Variants in MBD3L1 observed in about 807,000 individuals in gnomAD.
MBD3L1 encodes methyl-CpG binding domain protein 3 like 1.
For missense variants in MBD3L1, 203 were observed against 230.1 expected (o/e 0.88, Z 0.76); for synonymous variants, 84 against 85.1 (o/e 0.99, Z 0.07).
rs542318207 is a variant in MBD3L1 at position 8,838,252 on chromosome 19, CAAAAAAAAAA to C, written c.-106-2641_-106-2632del. The stretch of plus-strand genomic sequence containing the variant: ...TGGACGACAGAGCAAGACTCCATCT[CAAAAAAAAAA>C]AAAAAAAAAAAAAAAAAAAAAGATC... On this transcript the variant is annotated intron_variant, in intron 1 of 2. Coordinates refer to ENST00000595891, the MANE Select transcript of MBD3L1 (RefSeq NM_001393532.1). 6.0e-3 allele frequency among the ~76,000 whole-genome samples: 71 copies of C among 11,826 alleles called. 1 individual carries two copies. Among genetic ancestry groups the C allele is most frequent in the African/African-American group, 0.015 (59 of 4,038 alleles). 7.8% of individuals were successfully genotyped at this position (11,826 alleles called of 152,430 possible). A position where few individuals can be genotyped will look rare whatever the true frequency, so the allele number is the denominator to read the frequency against.
At position 8,843,152 on chromosome 19, in the gene MBD3L1, A is replaced by G. The variant is rs1599314296; in HGVS notation, c.474A>G (p.Glu158=). The G allele has an allele frequency of 6.2e-7, 1 of 1,613,858 alleles. No homozygotes were observed. Among genetic ancestry groups the G allele is most frequent in the East Asian group, 2.2e-5 (1 of 44,874 alleles). The stretch of plus-strand genomic sequence containing the variant: ...CTGAGGAAGATATCAGGAAACAGGA[A>G]GGGAAAGTGAAGACAGTCAGAGAGA... ...LVTEEDIRKQ[E]GKVKTVRERL... Residue 158 remains glutamate, a synonymous_variant, in exon 3 of 3, where the codon GAA becomes GAG. Transcript: ENST00000595891.
intron 1 of MBD3L1, among the ~76,000 whole-genome samples, chr19:8,838,983 C>A (rs1427424134): frequency 6.6e-6 from 1 of 152,100 alleles, no homozygotes; most frequent in African/African-American, 2.4e-5. Flanking sequence ...TTGTTCTCCC[C>A]CAACCAGGGG....
intron 1 of MBD3L1, among the ~76,000 whole-genome samples, 172 bp from the exon 2 acceptor site, chr19:8,840,743 A>C (rs539185538): frequency 6.6e-6 from 1 of 152,340 alleles, no homozygotes; most frequent in East Asian, 1.9e-4. Context: ...GGAAAAAAGA[A>C]AGCTGGAGAA....
intron 1 of MBD3L1, among the ~76,000 whole-genome samples, chr19:8,835,916 A>G (rs545790939): frequency 6.6e-5 from 10 of 152,298 alleles, no homozygotes; most frequent in African/African-American, 1.9e-4. Flanking sequence ...CTCATAAAAA[A>G]CCCACATTTT....
chr19:8,842,573 A>ACT (rs1317847205), intron 2 of MBD3L1, 85 bp from the exon 3 acceptor site: 1 of 969,232 alleles, frequency 1.0e-6, no homozygotes, highest in Non-Finnish European at 1.5e-6. Context: ...AGGAAGGATG[A>ACT]AAGTCCAGAA....
chr19:8,833,898 G>A (rs1451760218), intron 1 of MBD3L1, among the ~76,000 whole-genome samples: 1 of 152,068 alleles, frequency 6.6e-6, no homozygotes, highest in African/African-American at 2.4e-5. Context: ...TGAGGCAGGA[G>A]AATAGCTTGA....
chr19:8,832,880 C>T (rs528565863), intron 1 of MBD3L1, among the ~76,000 whole-genome samples: 2 of 150,166 alleles, frequency 1.3e-5, no homozygotes, highest in Non-Finnish European at 1.5e-5. Context: ...AGCTCCGGGC[C>T]GGGCGGAGGG....
In MBD3L1 at chr19:8,842,876, C is replaced by T; in HGVS notation, c.198C>T (p.Cys66=). ...EESLEKPQQV[C]WQRRLQGLQA... is the part of the protein sequence containing the mutation. Reference sequence around the variant, plus strand: ...GCTTGGAGAAGCCTCAGCAGGTCTGCTGGCAGAGGAGACTGCAGGGACTCC... The same window carrying T: ...GCTTGGAGAAGCCTCAGCAGGTCTGTTGGCAGAGGAGACTGCAGGGACTCC... Residue 66 remains cysteine (C), a synonymous_variant, in exon 3 of 3, where the codon TGC becomes TGT. Coordinates refer to ENST00000595891, the MANE Select transcript of MBD3L1 (RefSeq NM_001393532.1). The T allele has an allele frequency of 6.2e-7, 1 of 1,614,238 alleles. No individual in the cohort carries two copies. The highest frequency in any genetic ancestry group is 8.5e-7 in the Non-Finnish European group (1 of 1,180,042).
intron 1 of MBD3L1, among the ~76,000 whole-genome samples, chr19:8,834,637 A>C (rs1045705584): frequency 5.9e-5 from 9 of 151,512 alleles, no homozygotes; most frequent in South Asian, 2.1e-4. Context: ...CCAAAAAAAA[A>C]CAAAAAAAAA....
At chr19:8,839,877 G>A (rs1167010654) in intron 1 of MBD3L1, among the ~76,000 whole-genome samples, 5 of 152,102 alleles carry the variant, frequency 3.3e-5, no homozygotes, top group South Asian at 2.1e-4. Context: ...TTTAAATGCC[G>A]AAGAAGGGAT....
intron 1 of MBD3L1, among the ~76,000 whole-genome samples, chr19:8,834,236 AAT>A (rs1475021074): frequency 1.3e-5 from 2 of 152,228 alleles, no homozygotes; most frequent in Non-Finnish European, 2.9e-5. Context: ...TTCAAAATTC[AAT>A]ATACTAGGAA....
rs1321804846 is a variant in MBD3L1, at chr19:8,842,964, C to G, written c.286C>G (p.Leu96Val). ...GGATCTTGCCAATACCTTGCAAAAACTTGTCCCTAGTTACACAGGTGGATC... is the reference window on the plus strand; with the variant it reads ...GGATCTTGCCAATACCTTGCAAAAAGTTGTCCCTAGTTACACAGGTGGATC... Reference protein sequence around the residue: ...TLDLANTLQKLVPSYTGGSLL... With the variant: ...TLDLANTLQKVVPSYTGGSLL... The change falls in exon 3 of 3, where the codon CTT becomes GTT. Residue 96 changes from leucine to valine, a missense_variant. Leu to Val is a conservative substitution (Grantham distance 32, BLOSUM62 1). Transcript: ENST00000595891. 8 of 1,614,140 alleles carry G rather than the reference C, an allele frequency of 5.0e-6. No homozygotes were observed. Among genetic ancestry groups the G allele is most frequent in the Non-Finnish European group, 6.8e-6 (8 of 1,180,058 alleles).
chr19:8,838,869 T>C (rs2044481638), intron 1 of MBD3L1, among the ~76,000 whole-genome samples: 1 of 152,004 alleles, frequency 6.6e-6, no homozygotes, highest in African/African-American at 2.4e-5. Flanking sequence ...GCACGTGAGG[T>C]GTGCAGATAA....
At chr19:8,838,252 C>CAAAAAGAAAAAAAAAA (rs2044474892) in intron 1 of MBD3L1, among the ~76,000 whole-genome samples, 1 of 11,832 alleles carries the variant, frequency 8.5e-5, no homozygotes, top group Non-Finnish European at 1.7e-4. Context: ...GACTCCATCT[C>CAAAAAGAAAAAAAAAA]AAAAAAAAAA....
Position 8,843,285 on chromosome 19 carries a change from A to G in MBD3L1, c.*22A>G. 3 of 1,498,558 alleles carry G rather than the reference A, an allele frequency of 2.0e-6. No individual in the cohort carries two copies. The highest frequency in any genetic ancestry group is 2.7e-6 in the Non-Finnish European group (3 of 1,119,838). The allele number at this position is 1,498,558 out of a possible 1,614,324, so 92.8% of individuals were successfully genotyped here. On this transcript the variant is annotated 3_prime_UTR_variant, in exon 3 of 3. Transcript: ENST00000595891. The stretch of plus-strand genomic sequence containing the variant: ...CTAAGAAAAAAAGGGAAGATAGTGC[A>G]GATGAAATAAAGTGTAATCCTTTAT...
chr19:8,835,592 G>A (rs1052416283), intron 1 of MBD3L1, among the ~76,000 whole-genome samples: 54 of 152,296 alleles, frequency 3.5e-4, no homozygotes, highest in African/African-American at 1.3e-3. Context: ...ATTGTAAAAT[G>A]GTGCACCCAC....
At chr19:8,842,142 A>C (rs1438228676) in intron 2 of MBD3L1, among the ~76,000 whole-genome samples, 1 of 151,956 alleles carries the variant, frequency 6.6e-6, no homozygotes, top group Non-Finnish European at 1.5e-5. Context: ...CAGCCTGGAC[A>C]ATATGGTGAA....
Position 8,843,293 on chromosome 19 carries a change from T to C in MBD3L1, c.*30T>C, listed in dbSNP as rs1465749886. The C allele has an allele frequency of 1.4e-6, 2 of 1,461,028 alleles. No homozygotes were observed. Among genetic ancestry groups the C allele is most frequent in the Non-Finnish European group, 1.8e-6 (2 of 1,093,106 alleles). The allele number at this position is 1,461,028 out of a possible 1,614,324, so 90.5% of individuals were successfully genotyped here. A position where few individuals can be genotyped will look rare whatever the true frequency, so the allele number is the denominator to read the frequency against. On this transcript the variant is annotated 3_prime_UTR_variant, in exon 3 of 3. Transcript: ENST00000595891. ...AAAAGGGAAGATAGTGCAGATGAAA[T>C]AAAGTGTAATCCTTTATTAACATCT... is the stretch of plus-strand genomic sequence containing the variant.
At chr19:8,836,157 T>C (rs2044452995) in intron 1 of MBD3L1, among the ~76,000 whole-genome samples, 1 of 152,190 alleles carries the variant, frequency 6.6e-6, no homozygotes, top group South Asian at 2.1e-4. Context: ...TTGAATATTA[T>C]GGTAGCTCAA....
Sources: gnomAD v4.1 joint callset for allele counts (sites outside exome capture counted in the v4.1 genomes callset) on GRCh38, gnomAD v4.1.1 for gene constraint, MANE v1.5 for transcripts, NCBI Gene and HGNC (gene_info 2026-07-23, HGNC 2026-07-21) for gene names.